The following KIAA1549L variants were observed in gnomAD, a reference collection of about 807,000 sequenced individuals.
KIAA1549L encodes KIAA1549 like, also known as UPF0606 protein KIAA1549L.
KIAA1549L carries 88 observed loss-of-function variants against 160.7 expected under a neutral mutation model. The observed-to-expected ratio is 0.55, with a 90% CI of 0.46 to 0.65. The LOEUF is 0.65. Ranked by LOEUF, KIAA1549L falls within the 30% of genes least tolerant of loss-of-function variation. KIAA1549L has a pLI of 0.00. For synonymous variants in KIAA1549L, 950 were observed against 976.7 expected, an observed-to-expected ratio of 0.97 and a Z score of 0.51; for missense variants, 2,258 against 2,437.5, an observed-to-expected ratio of 0.93 and a Z score of 1.55.
intron 1 of KIAA1549L, among the ~76,000 whole-genome samples, chr11:33,541,160 T>A (rs1854011613): frequency 6.6e-6 from 1 of 152,232 alleles, no homozygotes; most frequent in Admixed American, 6.5e-5. Flanking sequence ...TTCTGGCCTC[T>A]GCAGGTGCTT....
intron 16 of KIAA1549L, among the ~76,000 whole-genome samples, chr11:33,635,499 C>G (rs1851413717): frequency 6.6e-6 from 1 of 152,124 alleles, no homozygotes; most frequent in Non-Finnish European, 1.5e-5. Flanking sequence ...GCTTCAAATT[C>G]CTATGCTCCA....
chr11:33,408,168 T>C (rs951249348), intron 1 of KIAA1549L, among the ~76,000 whole-genome samples: 3 of 152,198 alleles, frequency 2.0e-5, no homozygotes, highest in East Asian at 1.9e-4. Flanking sequence ...AACAGAAAGA[T>C]TGGAAAATGT....
chr11:33,557,317 T>C (rs1311007815), intron 6 of KIAA1549L, among the ~76,000 whole-genome samples: 2 of 152,080 alleles, frequency 1.3e-5, no homozygotes, highest in African/African-American at 2.4e-5. Flanking sequence ...GAGGTAAAAA[T>C]AGAATGTTCA....
intron 10 of KIAA1549L, 36 bp from the exon 11 acceptor site, chr11:33,583,302 G>T (rs1565197173): frequency 6.4e-7 from 1 of 1,574,514 alleles, no homozygotes; most frequent in Non-Finnish European, 8.6e-7. Context: ...TCCCAGTGTT[G>T]CTTGTCATGT....
chr11:33,632,917 T>C (rs1851337162), intron 16 of KIAA1549L, among the ~76,000 whole-genome samples: 1 of 151,856 alleles, frequency 6.6e-6, no homozygotes. Flanking sequence ...CACCCAACAG[T>C]CTCCTCCACG....
chr11:33,647,247 G>A (rs1406378187), intron 17 of KIAA1549L, among the ~76,000 whole-genome samples: 1 of 152,060 alleles, frequency 6.6e-6, no homozygotes, highest in African/African-American at 2.4e-5. Flanking sequence ...GTGGCGGCAT[G>A]CGCCTATAGT....
intron 1 of KIAA1549L, among the ~76,000 whole-genome samples, chr11:33,428,304 T>G (rs1352817192): frequency 2.0e-5 from 3 of 152,194 alleles, no homozygotes; most frequent in Admixed American, 1.3e-4. Context: ...TATAATTTCC[T>G]GTTTTTTTAA....
intron 1 of KIAA1549L, among the ~76,000 whole-genome samples, chr11:33,418,713 A>G (rs1471914320): frequency 2.0e-5 from 3 of 152,070 alleles, no homozygotes; most frequent in Non-Finnish European, 4.4e-5. Flanking sequence ...TTTGTGTATA[A>G]CCCACTTGGA....
intron 3 of KIAA1549L, 21 bp downstream of exon 3, chr11:33,545,399 T>A (rs1265136921): frequency 6.3e-7 from 1 of 1,586,464 alleles, no homozygotes; most frequent in African/African-American, 1.3e-5. Context: ...ACTGTTCTGA[T>A]CTGAAAGCAG....
chr11:33,414,822 T>C (rs1164859529), intron 1 of KIAA1549L, among the ~76,000 whole-genome samples: 3 of 151,702 alleles, frequency 2.0e-5, no homozygotes, highest in Non-Finnish European at 2.9e-5. Context: ...GGAGAGAGAG[T>C]GTGTGAGTGA....
At chr11:33,559,327 A>G (rs1854759147) in intron 6 of KIAA1549L, among the ~76,000 whole-genome samples, 1 of 152,178 alleles carries the variant, frequency 6.6e-6, no homozygotes. Context: ...CAGAATCACA[A>G]AAGTAACCTG....
chr11:33,616,687 A>G lies in KIAA1549L; in HGVS notation c.5280-1846A>G, dbSNP rs552418017. The stretch of plus-strand genomic sequence containing the variant: ...TTCTACTGCCTCTCCTAGACTATGT[A>G]TGATTGTAATTCTGTGACTAACTTA... On this transcript the variant is annotated intron_variant, in intron 15 of 20. Coordinates refer to ENST00000658780, the MANE Select transcript of KIAA1549L (RefSeq NM_012194.3). 3.9e-5 allele frequency among the ~76,000 whole-genome samples: 6 copies of G among 152,286 alleles called. No individual in the cohort carries two copies. The South Asian group carries it at 6.2e-4, about 16-fold the overall frequency.
At chr11:33,526,959 A>G (rs1245504529) in intron 1 of KIAA1549L, among the ~76,000 whole-genome samples, 1 of 152,220 alleles carries the variant, frequency 6.6e-6, no homozygotes, top group Non-Finnish European at 1.5e-5. Context: ...TATAAAGAAA[A>G]GACAATCATA....
At chr11:33,408,838 T>C (rs1850727984) in intron 1 of KIAA1549L, among the ~76,000 whole-genome samples, 1 of 145,246 alleles carries the variant, frequency 6.9e-6, no homozygotes, top group African/African-American at 2.6e-5. Context: ...TAATCCCAGC[T>C]ACTCGGGAGG....
At chr11:33,403,340 G>GGGAC (rs1554973918) in intron 1 of KIAA1549L, 2 of 94,594 alleles carry the variant, frequency 2.1e-5, no homozygotes, top group Non-Finnish European at 2.0e-5. Context: ...CACACATGCA[G>GGGAC]ACACGCAGAC....
intron 1 of KIAA1549L, among the ~76,000 whole-genome samples, chr11:33,379,199 T>C (rs1185020222): frequency 6.6e-6 from 1 of 152,168 alleles, no homozygotes; most frequent in African/African-American, 2.4e-5. Flanking sequence ...TGGGCAAACA[T>C]AGATTTGTTT....
At chr11:33,522,068 T>TA (rs1853506598) in intron 1 of KIAA1549L, among the ~76,000 whole-genome samples, 2 of 152,250 alleles carry the variant, frequency 1.3e-5, no homozygotes, top group South Asian at 4.1e-4. Context: ...GCTATTTTGA[T>TA]ATGACTATAT....
chr11:33,549,345 C>T (rs1854375998), intron 4 of KIAA1549L, among the ~76,000 whole-genome samples: 1 of 152,178 alleles, frequency 6.6e-6, no homozygotes, highest in South Asian at 2.1e-4. Flanking sequence ...AAGGCTGAGC[C>T]TGGTATCCCT....
intron 1 of KIAA1549L, among the ~76,000 whole-genome samples, chr11:33,516,002 A>T (rs1853334778): frequency 6.6e-6 from 1 of 152,162 alleles, no homozygotes; most frequent in Admixed American, 6.5e-5. Flanking sequence ...GTCCAAATTC[A>T]TGCTGCCATT....
Sources: allele counts gnomAD v4.1 joint callset (sites outside exome capture counted in the v4.1 genomes callset), GRCh38; gene constraint gnomAD v4.1.1; transcripts MANE v1.5; gene names NCBI Gene and HGNC (gene_info 2026-07-23, HGNC 2026-07-21).